The following NTRK2 variants were observed in gnomAD, a reference collection of about 807,000 sequenced individuals.
NTRK2 encodes the protein BDNF/NT-3 growth factors receptor.
In NTRK2, 13 loss-of-function variants were observed where a neutral mutation model predicts 94.5. That is an observed-to-expected ratio of 0.14 (90% CI 0.09 to 0.22). The LOEUF (loss-of-function observed/expected upper bound fraction) is 0.22, where lower values mean the gene tolerates loss of function less well. Among genes scored for constraint, NTRK2 ranks in the 10% least tolerant of loss-of-function variants. NTRK2 has a pLI of 1.00. For synonymous variants in NTRK2, 372 were observed against 407.4 expected (o/e 0.91, Z 1.05); for missense variants, 639 against 1,071.2 (o/e 0.60, Z 5.63).
At position 84,921,502 on chromosome 9, in the gene NTRK2, CA is replaced by C. The variant is rs200275995; in HGVS notation, c.1634-12652del. Among the ~76,000 whole-genome samples, 24 of 151,528 alleles carry C rather than the reference CA, an allele frequency of 1.6e-4. No individual in the cohort carries two copies. In the East Asian group the frequency reaches 4.6e-3, roughly 29 times the overall value. ...ATGGAGGGTGTAAAGAGGCAGGGGA[CA>C]AAAAAAATACATCTGGTGGCTGCAG... is the stretch of plus-strand genomic sequence containing the variant. On this transcript the variant is annotated intron_variant, in intron 14 of 18. Transcript: ENST00000277120.
chr9:84,724,626 T>C (rs937393731), intron 8 of NTRK2, among the ~76,000 whole-genome samples: 12 of 152,362 alleles, frequency 7.9e-5, no homozygotes, highest in African/African-American at 2.9e-4. Flanking sequence ...TCTGATAGAA[T>C]ATACTTTGGG....
At chr9:84,799,696 G>A (rs1291642472) in intron 12 of NTRK2, among the ~76,000 whole-genome samples, 3 of 151,962 alleles carry the variant, frequency 2.0e-5, no homozygotes, top group Non-Finnish European at 4.4e-5. Context: ...TCCTTGCTAT[G>A]AGAATGATCT....
chr9:85,008,485 G>T (rs1416769050), intron 17 of NTRK2, among the ~76,000 whole-genome samples: 1 of 152,194 alleles, frequency 6.6e-6, no homozygotes, highest in Non-Finnish European at 1.5e-5. Context: ...CTGAAATAAA[G>T]ATATGTGCAA....
intron 9 of NTRK2, among the ~76,000 whole-genome samples, chr9:84,733,169 A>C: frequency 6.6e-6 from 1 of 152,258 alleles, no homozygotes; most frequent in South Asian, 2.1e-4. Context: ...GAGTGGTTCC[A>C]TGGAAGCCCC....
At chr9:84,814,776 C>T in intron 12 of NTRK2, 1 of 1,064,366 alleles carries the variant, frequency 9.4e-7, no homozygotes, top group Non-Finnish European at 1.1e-6. Flanking sequence ...AGCATAGGGT[C>T]TCTCAGGGTT....
At chr9:84,907,944 A>C (rs957239725) in intron 14 of NTRK2, among the ~76,000 whole-genome samples, 5 of 152,130 alleles carry the variant, frequency 3.3e-5, no homozygotes, top group African/African-American at 1.2e-4. Context: ...TTGGACCAGG[A>C]GATGTCCCCT....
intron 14 of NTRK2, 79 bp downstream of exon 14, chr9:84,867,510 AGGGATGACTGGCGGGG>A: frequency 8.1e-7 from 1 of 1,228,820 alleles, no homozygotes; most frequent in Non-Finnish European, 1.2e-6. Flanking sequence ...AGCCCCTGAT[AGGGATGACTGGCGGGG>A]AACAGGGTGC....
intron 17 of NTRK2, among the ~76,000 whole-genome samples, chr9:85,011,503 A>G (rs867545117): frequency 1.1e-4 from 17 of 152,282 alleles, no homozygotes; most frequent in Middle Eastern, 3.4e-3. Context: ...ATCCGATAAG[A>G]TTAGTGTTCT....
At chr9:85,019,640 GTT>G (rs758001007) in intron 17 of NTRK2, among the ~76,000 whole-genome samples, 1 of 152,172 alleles carries the variant, frequency 6.6e-6, no homozygotes, top group East Asian at 1.9e-4. Context: ...AAAGACCTGA[GTT>G]TTGTTTCTGT....
chr9:84,739,555 C>T (rs904566288), intron 9 of NTRK2, among the ~76,000 whole-genome samples: 9 of 152,162 alleles, frequency 5.9e-5, no homozygotes, highest in South Asian at 2.1e-4. Flanking sequence ...TCACTGAGGC[C>T]GTTTAAATGT....
chr9:84,817,801 T>G (rs2072522937), intron 12 of NTRK2, among the ~76,000 whole-genome samples: 1 of 152,234 alleles, frequency 6.6e-6, no homozygotes. Context: ...TTTTCCTTCC[T>G]GAAGTTGTTT....
At chr9:84,707,461 A>C (rs1659402) in intron 4 of NTRK2, among the ~76,000 whole-genome samples, 80,964 of 151,908 alleles carry the variant, frequency 0.53, 21,934 homozygotes, top group Admixed American at 0.6. Context: ...TTTAAGGCAT[A>C]TTTTTTCCCT....
intron 14 of NTRK2, chr9:84,874,933 C>G (rs9969761): frequency 0.02 from 20,747 of 1,055,674 alleles, 993 homozygotes; most frequent in East Asian, 0.19. Flanking sequence ...ATAGGATTGT[C>G]TTCCTCACCC....
chr9:84,874,178 G>A (rs991207237), intron 14 of NTRK2: 26 of 1,065,084 alleles, frequency 2.4e-5, no homozygotes, highest in Non-Finnish European at 2.7e-5. Context: ...TGTGCTAGTA[G>A]ATTGTGGACC....
intron 17 of NTRK2, among the ~76,000 whole-genome samples, chr9:84,959,060 C>G (rs920833683): frequency 6.6e-6 from 1 of 152,234 alleles, no homozygotes; most frequent in Non-Finnish European, 1.5e-5. Context: ...TTCAACTTCT[C>G]TATCACCATA....
chr9:84,850,931 T>G (rs1016249902), intron 12 of NTRK2, among the ~76,000 whole-genome samples: 6 of 152,180 alleles, frequency 3.9e-5, no homozygotes, highest in African/African-American at 1.2e-4. Flanking sequence ...ACCATGAGCA[T>G]AGGCAGGCTA....
intron 14 of NTRK2, among the ~76,000 whole-genome samples, chr9:84,880,689 T>G (rs1227772640): frequency 1.3e-5 from 2 of 152,194 alleles, no homozygotes; most frequent in African/African-American, 2.4e-5. Context: ...CAGACACACA[T>G]GTTGACCAAT....
chr9:84,691,243 A>G (rs377336560), intron 2 of NTRK2, among the ~76,000 whole-genome samples: 1 of 152,246 alleles, frequency 6.6e-6, no homozygotes, highest in Non-Finnish European at 1.5e-5. Context: ...CACAGTTTTT[A>G]TGAAAAATCC....
chr9:84,883,524 A>C (rs190562325), intron 14 of NTRK2, among the ~76,000 whole-genome samples: 2 of 152,304 alleles, frequency 1.3e-5, no homozygotes, highest in Admixed American at 1.3e-4. Flanking sequence ...TGACAAGCGC[A>C]ATGTCTCCAT....
Sources: allele counts gnomAD v4.1 joint callset (sites outside exome capture counted in the v4.1 genomes callset), GRCh38; gene constraint gnomAD v4.1.1; transcripts MANE v1.5; gene names NCBI Gene and HGNC (gene_info 2026-07-23, HGNC 2026-07-21).